FIS1: variants seen among roughly 807,000 people sequenced by gnomAD.
FIS1 encodes fission, mitochondrial 1, also known as mitochondrial fission 1 protein.
A neutral mutation model predicts 21.6 loss-of-function variants in FIS1; 16 were observed. The observed-to-expected ratio is 0.74, with a 90% CI of 0.50 to 1.12. The LOEUF is 1.12. Among genes scored for constraint, FIS1 ranks in the 50% most tolerant of loss-of-function variants. FIS1 has a pLI of 0.00. For synonymous variants in FIS1, 92 were observed against 82.2 expected, an observed-to-expected ratio of 1.12 and a Z score of -0.65; for missense variants, 198 against 190.9, an observed-to-expected ratio of 1.04 and a Z score of -0.22.
intron 1 of FIS1, chr7:101,244,435 TA>T (rs1225735491): frequency 1.5e-5 from 6 of 411,006 alleles, no homozygotes; most frequent in African/African-American, 1.2e-4. Flanking sequence ...GGCCGAACAG[TA>T]AACACGCTGT....
rs757603851 is a variant in FIS1 at position 101,240,845 on chromosome 7, C to T, written c.240G>A (p.Gly80=). 136 of 1,613,860 alleles carry T rather than the reference C, an allele frequency of 8.4e-5. No homozygotes were observed. The highest frequency in any genetic ancestry group is 1.1e-4 in the Non-Finnish European group (134 of 1,180,034). ...QRDYVFYLAV[G]NYRLKEYEKA... ...CCCACCTCACCTTGAGCCGGTAGTT[C>T]CCCACGGCCAGGTAGAAGACGTAAT... Residue 80 remains glycine (G), a synonymous_variant, in exon 3 of 5, where the codon GGG becomes GGA. Coordinates refer to ENST00000223136, the MANE Select transcript of FIS1 (RefSeq NM_016068.3).
chr7:101,244,407 G>A, intron 1 of FIS1: 1 of 435,298 alleles, frequency 2.3e-6, no homozygotes, highest in Non-Finnish European at 4.2e-6. Context: ...CACCGCTCCC[G>A]GAGCAGCTGA....
In FIS1 at chr7:101,239,765, A is replaced by G. The variant is rs1264776008; in HGVS notation, c.*41T>C. ...CAGGGAAAGGACAGCGAGGATGGAC[A>G]GGCCCTCCTGGAGCGTTCTCCGTGG... On this transcript the variant is annotated 3_prime_UTR_variant, in exon 5 of 5. Transcript: ENST00000223136. 1 of 1,456,826 alleles carries G rather than the reference A, an allele frequency of 6.9e-7. No individual in the cohort carries two copies. The highest frequency in any genetic ancestry group is 9.4e-7 in the Non-Finnish European group (1 of 1,059,788). 90.2% of individuals were successfully genotyped at this position (1,456,826 alleles called of 1,614,324 possible). A position where few individuals can be genotyped will look rare whatever the true frequency, so the allele number is the denominator to read the frequency against.
intron 2 of FIS1, among the ~76,000 whole-genome samples, chr7:101,242,866 A>T (rs929520148): frequency 6.6e-6 from 1 of 152,150 alleles, no homozygotes; most frequent in Non-Finnish European, 1.5e-5. Flanking sequence ...ACCATGGATC[A>T]AAAATACTCA....
rs1027533266 is a variant in FIS1 at position 101,240,232 on chromosome 7, A to G, written c.271T>C (p.Leu91=). Residue 91 remains leucine, a synonymous_variant, in exon 4 of 5, where the codon TTA becomes CTA. Coordinates refer to ENST00000223136, the MANE Select transcript of FIS1 (RefSeq NM_016068.3). ...NYRLKEYEKA[L]KYVRGLLQTE... ...TGCAGCAACCCGCGGACGTACTTTA[A>G]GGCCTTCTCGTATTCCTGCGCTCGG... 1.2e-6 allele frequency: 2 copies of G among 1,614,208 alleles called. No homozygotes were observed. The highest frequency in any genetic ancestry group is 1.7e-6 in the Non-Finnish European group (2 of 1,180,024).
In FIS1 at chr7:101,240,913, A is replaced by C. The variant is rs542410129; in HGVS notation, c.179-7T>G. The C allele has an allele frequency of 5.6e-5, 91 of 1,613,884 alleles. No homozygotes were observed. In the East Asian group the frequency reaches 2.0e-3, roughly 35 times the overall value. On this transcript the variant is annotated splice_polypyrimidine_tract_variant and splice_region_variant and intron_variant, in intron 2 of 4. Transcript: ENST00000223136. The stretch of plus-strand genomic sequence containing the variant: ...CTCCCTTTGGGCAGCAGCTCTGGGG[A>C]GGGGCAGAGAAGAGGGTGAGAAATG...
Position 101,245,011 on chromosome 7 carries a change from T to C in FIS1, c.-7A>G. The C allele has an allele frequency of 6.2e-7, 1 of 1,613,848 alleles. No individual in the cohort carries two copies. Among genetic ancestry groups the C allele is most frequent in the Non-Finnish European group, 8.5e-7 (1 of 1,179,888 alleles). On this transcript the variant is annotated 5_prime_UTR_variant, in exon 1 of 5. Coordinates refer to ENST00000223136, the MANE Select transcript of FIS1 (RefSeq NM_016068.3). ...CGTTCAGCACGGCCTCCATGGCCAC[T>C]GCCCCCGCGAGCCTCACACTACAGT...
intron 2 of FIS1, chr7:101,241,797 T>C (rs964670379): frequency 6.6e-6 from 1 of 151,828 alleles, no homozygotes; most frequent in African/African-American, 2.4e-5. Flanking sequence ...CCGTCTCTAC[T>C]AAAAATACAA....
intron 2 of FIS1, 104 bp from the exon 3 acceptor site, chr7:101,241,010 T>A: frequency 8.8e-7 from 1 of 1,142,180 alleles, no homozygotes; most frequent in Non-Finnish European, 1.3e-6. Flanking sequence ...TCTGTGATCC[T>A]GGGAGGGTCA....
rs779471495 is a variant in FIS1, at chr7:101,239,891, C to T, written c.374G>A (p.Gly125Asp). 6.9e-6 allele frequency: 11 copies of T among 1,605,322 alleles called. No homozygotes were observed. Among genetic ancestry groups the T allele is most frequent in the Non-Finnish European group, 8.5e-6 (10 of 1,175,888 alleles). ...DKAMKKDGLVGMAIVGGMALG... is the reference protein window; with the variant it reads ...DKAMKKDGLVDMAIVGGMALG... ...GGCCATGCCTCCCACGATGGCCATGCCCACGAGTCCATCTGGGGAAGGAAA... is the reference window on the plus strand; with the variant it reads ...GGCCATGCCTCCCACGATGGCCATGTCCACGAGTCCATCTGGGGAAGGAAA... Residue 125 changes from glycine to aspartate, a missense_variant, in exon 5 of 5, where the codon GGC becomes GAC. Gly to Asp is a moderately conservative substitution (Grantham distance 94). Transcript: ENST00000223136.
Position 101,245,068 on chromosome 7 carries a change from CA to C in FIS1, c.-65del. ...TGCCACAGTCTCCATGGCCCAGTGG[CA>C]GGGGCGGAGAACCACTTCCGGCGTC... On this transcript the variant is annotated 5_prime_UTR_variant, in exon 1 of 5. Coordinates refer to ENST00000223136, the MANE Select transcript of FIS1 (RefSeq NM_016068.3). 3 of 1,562,614 alleles carry C rather than the reference CA, an allele frequency of 1.9e-6. No individual in the cohort carries two copies. The highest frequency in any genetic ancestry group is 1.7e-4 in the Middle Eastern group (1 of 5,866).
chr7:101,240,211 G>A lies in FIS1; in HGVS notation c.292C>T (p.Leu98=). 6.2e-7 allele frequency: 1 copy of A among 1,614,250 alleles called. No individual in the cohort carries two copies. Among genetic ancestry groups the A allele is most frequent in the Non-Finnish European group, 8.5e-7 (1 of 1,180,038 alleles). ...EKALKYVRGL[L]QTEPQNNQAK... is the part of the protein sequence containing the mutation. ...TGGTTGTTCTGGGGCTCTGTCTGCA[G>A]CAACCCGCGGACGTACTTTAAGGCC... The change falls in exon 4 of 5, where the codon CTG becomes TTG. Residue 98 remains leucine, a synonymous_variant. Transcript: ENST00000223136.
At chr7:101,244,422 G>A (rs142890264) in intron 1 of FIS1, 156 of 422,290 alleles carry the variant, frequency 3.7e-4, no homozygotes, top group African/African-American at 2.9e-3. Context: ...AGCTGACCCC[G>A]GCGGCCGAAC....
intron 2 of FIS1, 134 bp downstream of exon 2, chr7:101,243,873 T>C (rs1421214687): frequency 8.4e-7 from 1 of 1,191,762 alleles, no homozygotes; most frequent in Non-Finnish European, 1.1e-6. Flanking sequence ...AAAAGTTCAC[T>C]GGGAGACGTC....
At chr7:101,241,199 C>T in intron 2 of FIS1, 1 of 378,782 alleles carries the variant, frequency 2.6e-6, no homozygotes, top group Admixed American at 4.3e-5. Context: ...AAGCCAAAGG[C>T]AGCGTGACTC....
chr7:101,240,192 T>G lies in FIS1; in HGVS notation c.311A>C (p.Asn104Thr). 2 of 1,614,246 alleles carry G rather than the reference T, an allele frequency of 1.2e-6. No individual in the cohort carries two copies. The highest frequency in any genetic ancestry group is 1.7e-6 in the Non-Finnish European group (2 of 1,180,046). Residue 104 changes from asparagine (N) to threonine (T), a missense_variant, in exon 4 of 5, where the codon AAC becomes ACC. Physicochemically the swap from Asn to Thr is moderately conservative, Grantham distance 65. Coordinates refer to ENST00000223136, the MANE Select transcript of FIS1 (RefSeq NM_016068.3). ...VRGLLQTEPQ[N>T]NQAKELERLI... ...CCGCTCCAGTTCCTTGGCCTGGTTG[T>G]TCTGGGGCTCTGTCTGCAGCAACCC... is the stretch of plus-strand genomic sequence containing the variant.
chr7:101,242,957 T>A (rs1048565367), intron 2 of FIS1, among the ~76,000 whole-genome samples: 2 of 152,144 alleles, frequency 1.3e-5, no homozygotes, highest in Admixed American at 6.5e-5. Context: ...AACAATACAG[T>A]ATACTATTTA....
At position 101,245,044 on chromosome 7, in the gene FIS1, G is replaced by A. The variant is rs779285246; in HGVS notation, c.-40C>T. On this transcript the variant is annotated 5_prime_UTR_variant, in exon 1 of 5. Transcript: ENST00000223136. Reference sequence around the variant, plus strand: ...CGAGCCTCACACTACAGTCTACTGTGCCACAGTCTCCATGGCCCAGTGGCA... The same window carrying A: ...CGAGCCTCACACTACAGTCTACTGTACCACAGTCTCCATGGCCCAGTGGCA... The A allele has an allele frequency of 1.8e-4, 296 of 1,610,168 alleles. 1 individual carries two copies. Among genetic ancestry groups the A allele is most frequent in the South Asian group, 1.1e-3 (100 of 90,578 alleles).
intron 1 of FIS1, 122 bp from the exon 2 acceptor site, chr7:101,244,261 C>T: frequency 1.5e-6 from 2 of 1,292,260 alleles, no homozygotes; most frequent in Non-Finnish European, 2.1e-6. Context: ...GGCACCCCAG[C>T]TTCTGCTATC....
Sources: gnomAD v4.1 joint callset for allele counts (sites outside exome capture counted in the v4.1 genomes callset) on GRCh38, gnomAD v4.1.1 for gene constraint, MANE v1.5 for transcripts, NCBI Gene and HGNC (gene_info 2026-07-23, HGNC 2026-07-21) for gene names.